Variants in C16orf96 observed in about 807,000 individuals in gnomAD.
C16orf96 encodes uncharacterized protein C16orf96.
C16orf96 carries 108 observed loss-of-function variants against 103.6 expected under a neutral mutation model. That is an observed-to-expected ratio of 1.04 (90% CI 0.89 to 1.22). The LOEUF (loss-of-function observed/expected upper bound fraction) is 1.22, where lower values mean the gene tolerates loss of function less well. Ranked by LOEUF, C16orf96 falls within the 50% of genes most tolerant of loss-of-function variation. The probability of loss-of-function intolerance (pLI) is 0.00; values close to 1 mark genes in which losing one functional copy is unlikely to be tolerated. For missense variants in C16orf96, 1,586 were observed against 1,464.2 expected, an observed-to-expected ratio of 1.08 and a Z score of -1.36; for synonymous variants, 566 against 593.5, an observed-to-expected ratio of 0.95 and a Z score of 0.67.
chr16:4,589,016 T>G (rs563138910), intron 9 of C16orf96, among the ~76,000 whole-genome samples: 17 of 152,080 alleles, frequency 1.1e-4, no homozygotes, highest in Non-Finnish European at 1.6e-4. Flanking sequence ...TCTAGACACT[T>G]CCCCGGGGTC....
In C16orf96 at chr16:4,566,395, T is replaced by G. The variant is rs76838369; in HGVS notation, c.421-5166T>G. Among the ~76,000 whole-genome samples, 805 of 152,302 alleles carry G rather than the reference T, an allele frequency of 5.3e-3. 5 individuals are homozygous for G. Among genetic ancestry groups the G allele is most frequent in the African/African-American group, 0.018 (766 of 41,566 alleles). ...TACAGAGTTTGAAGTGGTATCTCATTGTAGTTTTGATTTTCATTTCCCTGA... is the reference window on the plus strand; with the variant it reads ...TACAGAGTTTGAAGTGGTATCTCATGGTAGTTTTGATTTTCATTTCCCTGA... On this transcript the variant is annotated intron_variant, in intron 1 of 15. Coordinates refer to ENST00000444310, the MANE Select transcript of C16orf96 (RefSeq NM_001145011.2).
At chr16:4,579,389 C>CA (rs1333731498) in intron 6 of C16orf96, among the ~76,000 whole-genome samples, 3 of 151,628 alleles carry the variant, frequency 2.0e-5, no homozygotes, top group South Asian at 2.1e-4. Flanking sequence ...CCCTTCTCTG[C>CA]AAAAAAATAC....
chr16:4,571,798 T>G lies in C16orf96; in HGVS notation c.525+133T>G. ...TGTGAGGGTGTGGTCATGTGGACCC[T>G]CCAATTGGCCAGTGCCACCGACTTC... On this transcript the variant is annotated intron_variant, in intron 2 of 15. Transcript: ENST00000444310. The G allele has an allele frequency of 4.2e-6, 3 of 712,502 alleles. No individual in the cohort carries two copies. The South Asian group carries it at 5.8e-5, about 14-fold the overall frequency. The allele number at this position is 712,502 out of a possible 1,614,324, so 44.1% of individuals were successfully genotyped here.
At chr16:4,568,395 T>C (rs546692758) in intron 1 of C16orf96, among the ~76,000 whole-genome samples, 13 of 152,310 alleles carry the variant, frequency 8.5e-5, no homozygotes, top group African/African-American at 3.1e-4. Flanking sequence ...AGATATCTGT[T>C]ATGTCTAGTT....
At chr16:4,562,217 G>A (rs1445602581) in intron 1 of C16orf96, among the ~76,000 whole-genome samples, 2 of 152,134 alleles carry the variant, frequency 1.3e-5, no homozygotes, top group Non-Finnish European at 2.9e-5. Flanking sequence ...GCTCATGCCT[G>A]TAATCCCCGC....
chr16:4,587,303 C>T (rs1429904769), intron 8 of C16orf96, among the ~76,000 whole-genome samples, 190 bp downstream of exon 8: 1 of 152,098 alleles, frequency 6.6e-6, no homozygotes, highest in Non-Finnish European at 1.5e-5. Context: ...GCGGGTGGAT[C>T]ACCTGAGGTC....
intron 12 of C16orf96, 103 bp from the exon 13 acceptor site, chr16:4,594,248 G>T: frequency 7.4e-7 from 1 of 1,349,642 alleles, no homozygotes; most frequent in Non-Finnish European, 1.0e-6. Context: ...CAAGCTGAAA[G>T]AAATGCTGGT....
chr16:4,560,682 A>G (rs879062584), intron 1 of C16orf96: 1 of 152,060 alleles, frequency 6.6e-6, no homozygotes, highest in Admixed American at 6.6e-5. Context: ...GCACAGTGGC[A>G]TGCACCTGTA....
intron 14 of C16orf96, among the ~76,000 whole-genome samples, chr16:4,596,726 AAACAAC>A: frequency 6.6e-6 from 1 of 152,182 alleles, no homozygotes; most frequent in East Asian, 1.9e-4. Flanking sequence ...GAACAAAACC[AAACAAC>A]AACAACAACA....
the C16orf96 span, among the ~76,000 whole-genome samples, chr16:4,551,196 A>G: frequency 5.8e-4 from 88 of 152,296 alleles, no homozygotes; most frequent in African/African-American, 2.0e-3. Context: ...GCTGGAACCC[A>G]GGTGTTTGAG....
the C16orf96 span, among the ~76,000 whole-genome samples, chr16:4,541,018 A>G: frequency 6.7e-6 from 1 of 150,166 alleles, no homozygotes; most frequent in African/African-American, 2.5e-5. Flanking sequence ...GGTTCAAGCA[A>G]TTCTCCTGCC....
At chr16:4,588,131 A>C (rs1309565338) in intron 8 of C16orf96, 36 bp from the exon 9 acceptor site, 1 of 1,539,338 alleles carries the variant, frequency 6.5e-7, no homozygotes, top group East Asian at 2.5e-5. Context: ...CCTCCATCCC[A>C]GCAGCCATGC....
chr16:4,575,352 A>G lies in C16orf96; in HGVS notation c.872A>G (p.Glu291Gly). 6.4e-7 allele frequency: 1 copy of G among 1,551,184 alleles called. No homozygotes were observed. Among genetic ancestry groups the G allele is most frequent in the Non-Finnish European group, 8.7e-7 (1 of 1,146,986 alleles). ...TATGAGGTCCCAGAGCTCCTCCCGG[A>G]GGGCTCATCTGCCCAAGCAGTTTCA... is the stretch of plus-strand genomic sequence containing the variant. ...WHYEVPELLP[E>G]GSSAQAVSLS... The change falls in exon 5 of 16, where the codon GAG becomes GGG. Residue 291 changes from glutamate (E) to glycine (G), a missense_variant. Glu to Gly is a moderately conservative substitution (Grantham distance 98, BLOSUM62 -2). Transcript: ENST00000444310.
intron 1 of C16orf96, among the ~76,000 whole-genome samples, chr16:4,566,987 T>A (rs2059390073): frequency 6.6e-6 from 1 of 152,142 alleles, no homozygotes; most frequent in South Asian, 2.1e-4. Flanking sequence ...ACTATTTTTT[T>A]ATCCTCTATT....
At chr16:4,572,581 G>A (rs888827054) in intron 2 of C16orf96, among the ~76,000 whole-genome samples, 5 of 152,038 alleles carry the variant, frequency 3.3e-5, no homozygotes, top group African/African-American at 9.7e-5. Context: ...GATTACAGGC[G>A]TGAGCCACCA....
chr16:4,549,159 A>G, the C16orf96 span, among the ~76,000 whole-genome samples: 13 of 152,168 alleles, frequency 8.5e-5, no homozygotes, highest in Admixed American at 1.3e-4. Context: ...CTCACTCACT[A>G]TTGCAACCAG....
chr16:4,599,297 A>G lies in C16orf96; in HGVS notation c.3141A>G (p.Pro1047=). ...VAKELAAVKA[P]SPPSQSLYDR... ...TTTTCTGCTAAGCTGTGAAGGCTCC[A>G]TCTCCCCCGTCACAAAGCCTGTATG... Residue 1047 remains proline (P), a synonymous_variant, in exon 15 of 16, where the codon CCA becomes CCG. Coordinates refer to ENST00000444310, the MANE Select transcript of C16orf96 (RefSeq NM_001145011.2). 6.4e-7 allele frequency: 1 copy of G among 1,551,510 alleles called. No individual in the cohort carries two copies. The highest frequency in any genetic ancestry group is 8.7e-7 in the Non-Finnish European group (1 of 1,146,920).
intron 1 of C16orf96, among the ~76,000 whole-genome samples, chr16:4,566,821 A>G (rs1037099604): frequency 1.3e-5 from 2 of 152,078 alleles, no homozygotes; most frequent in Non-Finnish European, 2.9e-5. Context: ...GTATTTCTTT[A>G]TAATCCTTTT....
chr16:4,541,513 G>A, the C16orf96 span, among the ~76,000 whole-genome samples: 1 of 152,206 alleles, frequency 6.6e-6, no homozygotes, highest in African/African-American at 2.4e-5. Context: ...GGTCGAGGCT[G>A]CTGTGAGCTG....
Sources: allele counts gnomAD v4.1 joint callset (sites outside exome capture counted in the v4.1 genomes callset), GRCh38; gene constraint gnomAD v4.1.1; transcripts MANE v1.5; gene names NCBI Gene and HGNC (gene_info 2026-07-23, HGNC 2026-07-21).